KIFC3: variants seen among roughly 807,000 people sequenced by gnomAD.
KIFC3 encodes kinesin family member C3.
KIFC3 carries 60 observed loss-of-function variants against 101.8 expected under a neutral mutation model. The observed-to-expected ratio is 0.59, with a 90% CI of 0.48 to 0.73. KIFC3 has a LOEUF of 0.73. Among genes scored for constraint, KIFC3 ranks in the 30% least tolerant of loss-of-function variants. The probability of loss-of-function intolerance (pLI) is 0.00; values close to 1 mark genes in which losing one functional copy is unlikely to be tolerated. For synonymous variants in KIFC3, 476 were observed against 482.7 expected, an observed-to-expected ratio of 0.99 and a Z score of 0.18; for missense variants, 966 against 1,137.1, an observed-to-expected ratio of 0.85 and a Z score of 2.16.
In KIFC3 at chr16:57,821,070, G is replaced by A. The variant is rs114309413; in HGVS notation, c.109-22788C>T. 3.2e-3 allele frequency among the ~76,000 whole-genome samples: 484 copies of A among 151,854 alleles called. 5 individuals are homozygous for A. Among genetic ancestry groups the A allele is most frequent in the African/African-American group, 0.011 (444 of 41,374 alleles). On this transcript the variant is annotated intron_variant, in intron 1 of 2. Coordinates refer to the KIFC3 transcript ENST00000563028. The stretch of plus-strand genomic sequence containing the variant: ...TCCCTTGAAGCAGAAGTTCGAGGCC[G>A]CAGTGAGCGAAGATTACACCATTGC...
At chr16:57,823,803 G>GTT (rs71152300) in intron 1 of KIFC3, among the ~76,000 whole-genome samples, 2 of 143,630 alleles carry the variant, frequency 1.4e-5, no homozygotes, top group African/African-American at 5.3e-5. Flanking sequence ...GTGTGTGTGT[G>GTT]TTTTTAGTAG....
At chr16:57,797,354 C>A (rs1364531225) in intron 2 of KIFC3, among the ~76,000 whole-genome samples, 1 of 152,250 alleles carries the variant, frequency 6.6e-6, no homozygotes, top group Non-Finnish European at 1.5e-5. Context: ...GACCTGCCCA[C>A]GCCTCGGGAG....
rs1555609189 is a variant in KIFC3, at chr16:57,772,205, A to T, written c.381+18T>A. On this transcript the variant is annotated intron_variant, in intron 4 of 19. Transcript: ENST00000445690. Reference sequence around the variant, plus strand: ...AGGCCAGGCCCTGCGCTACCCCAGGACAGCCTTGTGGCCTCACCAGCTCAG... The same window carrying T: ...AGGCCAGGCCCTGCGCTACCCCAGGTCAGCCTTGTGGCCTCACCAGCTCAG... 3.1e-6 allele frequency: 5 copies of T among 1,611,176 alleles called. No individual in the cohort carries two copies. Among genetic ancestry groups the T allele is most frequent in the African/African-American group, 1.3e-5 (1 of 74,998 alleles).
At chr16:57,819,306 C>T (rs1568084690) in intron 1 of KIFC3, among the ~76,000 whole-genome samples, 1 of 152,076 alleles carries the variant, frequency 6.6e-6, no homozygotes, top group African/African-American at 2.4e-5. Context: ...CCTGTCTCTA[C>T]AAAAAATTAA....
rs191679926 is a variant in KIFC3 at position 57,771,270 on chromosome 16, C to G, written c.693G>C (p.Glu231Asp). 2.5e-6 allele frequency: 4 copies of G among 1,613,064 alleles called. No individual in the cohort carries two copies. The highest frequency in any genetic ancestry group is 3.4e-6 in the Non-Finnish European group (4 of 1,179,698). ...TGTCACGCAGGCGCCGACTAAGCCG[C>G]TCCTCCTCCTGTGCCTTCTCAGCCA... Reference protein sequence around the residue: ...DCLAEKAQEEERLSRRLRDSH... With the variant: ...DCLAEKAQEEDRLSRRLRDSH... Residue 231 changes from glutamate (E) to aspartate (D), a missense_variant, in exon 6 of 20, where the codon GAG (glutamate) becomes GAC (aspartate). Physicochemically the swap from Glu to Asp is conservative, Grantham distance 45. Transcript: ENST00000445690.
chr16:57,814,723 T>C (rs181798146), intron 1 of KIFC3, among the ~76,000 whole-genome samples: 353 of 152,140 alleles, frequency 2.3e-3, no homozygotes, highest in Non-Finnish European at 3.9e-3. Context: ...CCTCCCAGGT[T>C]CAAGCAATTC....
At chr16:57,843,043 G>A (rs1387598510) in intron 1 of KIFC3, among the ~76,000 whole-genome samples, 29 of 152,050 alleles carry the variant, frequency 1.9e-4, no homozygotes. Context: ...TGAGGCATAA[G>A]AATTGTTTGA....
At chr16:57,841,138 T>A (rs1342219162) in intron 1 of KIFC3, among the ~76,000 whole-genome samples, 1 of 152,080 alleles carries the variant, frequency 6.6e-6, no homozygotes, top group African/African-American at 2.4e-5. Context: ...AAGAGTGAAA[T>A]TTAGAGTGTG....
chr16:57,787,911 G>T (rs2053495932), intron 3 of KIFC3, among the ~76,000 whole-genome samples: 1 of 152,188 alleles, frequency 6.6e-6, no homozygotes, highest in African/African-American at 2.4e-5. Flanking sequence ...ATGACAGAAA[G>T]GCCAGCTCCT....
chr16:57,773,171 G>A (rs1437849673), intron 3 of KIFC3, among the ~76,000 whole-genome samples: 1 of 152,320 alleles, frequency 6.6e-6, no homozygotes, highest in South Asian at 2.1e-4. Context: ...CTTGCAGAAC[G>A]TCCTGTGGTG....
At chr16:57,807,941 A>AAAAC (rs2054975761), upstream of KIFC3, 1 of 131,252 alleles carries the variant, frequency 7.6e-6, no homozygotes. Context: ...AAAAAAAAAA[A>AAAAC]AAAAAAAAAA....
chr16:57,842,297 G>A (rs1376499898), intron 1 of KIFC3, among the ~76,000 whole-genome samples: 1 of 152,206 alleles, frequency 6.6e-6, no homozygotes, highest in Non-Finnish European at 1.5e-5. Flanking sequence ...AGCTCCAGGG[G>A]GTCAGAAATG....
At chr16:57,770,855 G>C (rs2051080881) in intron 6 of KIFC3, among the ~76,000 whole-genome samples, 155 bp from the exon 7 acceptor site, 1 of 152,204 alleles carries the variant, frequency 6.6e-6, no homozygotes, top group Admixed American at 6.5e-5. Context: ...TGGCTTTCCA[G>C]AAAGCTGGGG....
chr16:57,816,713 A>G (rs1555628912), intron 1 of KIFC3: 2 of 456,466 alleles, frequency 4.4e-6, no homozygotes, highest in South Asian at 1.5e-5. Context: ...ACCAACCTCA[A>G]CAGAACTCTC....
intron 9 of KIFC3, 31 bp from the exon 10 acceptor site, chr16:57,767,016 G>A: frequency 6.3e-7 from 1 of 1,577,214 alleles, no homozygotes; most frequent in South Asian, 1.1e-5. Flanking sequence ...CTGTCAGGGG[G>A]ACGGCTCCAT....
chr16:57,798,146 GCCATC>G lies in KIFC3; in HGVS notation c.93_97del (p.Met32SerfsTer35), dbSNP rs781846294. 1 of 1,549,554 alleles carries G rather than the reference GCCATC, an allele frequency of 6.5e-7. No individual in the cohort carries two copies. ...GCTGGCTGGGGCTGGGGCGGGGCGA[GCCATC>G]CCCGGCTCGGGCTCCGGGGCCCGGC... On this transcript the variant is annotated frameshift_variant, in exon 2 of 20. Coordinates refer to ENST00000445690, the MANE Select transcript of KIFC3 (RefSeq NM_001130100.2). LOFTEE classifies it high-confidence loss of function.
At chr16:57,775,874 C>T (rs551593848) in intron 3 of KIFC3, 1,028 of 985,488 alleles carry the variant, frequency 1.0e-3, no homozygotes, top group Non-Finnish European at 1.2e-3. Context: ...ACACTCCTCC[C>T]GGGCCCAGGC....
intron 3 of KIFC3, chr16:57,788,456 G>C (rs549652403): frequency 1.0e-6 from 1 of 967,130 alleles, no homozygotes; most frequent in African/African-American, 1.7e-5. Context: ...GCTGGAGTCT[G>C]TCTAGGCCAC....
intron 1 of KIFC3, among the ~76,000 whole-genome samples, chr16:57,829,947 G>A (rs2055539592): frequency 6.6e-6 from 1 of 152,202 alleles, no homozygotes; most frequent in Non-Finnish European, 1.5e-5. Flanking sequence ...AGAGGAACAA[G>A]GCAAGCCGGG....
Sources: allele counts gnomAD v4.1 joint callset (sites outside exome capture counted in the v4.1 genomes callset), GRCh38; gene constraint gnomAD v4.1.1; transcripts MANE v1.5; gene names NCBI Gene and HGNC (gene_info 2026-07-23, HGNC 2026-07-21).